NXPE2: variants seen among roughly 807,000 people sequenced by gnomAD.
The protein encoded by NXPE2 is NXPE family member 2.
A neutral mutation model predicts 34.4 loss-of-function variants in NXPE2; 34 were observed. The observed-to-expected ratio is 0.99, with a 90% CI of 0.75 to 1.31. NXPE2 has a LOEUF of 1.31. Among genes scored for constraint, NXPE2 ranks in the 40% most tolerant of loss-of-function variants. The pLI is 0.00. For synonymous variants in NXPE2, 235 were observed against 231.3 expected (o/e 1.02, Z -0.15); for missense variants, 649 against 672.5 (o/e 0.97, Z 0.39).
the NXPE2 span, chr11:114,513,017 G>T: frequency 2.6e-6 from 1 of 384,428 alleles, no homozygotes. Context: ...TGGGTGAGCA[G>T]CAGAGACAGG....
At chr11:114,813,631 C>T in the NXPE2 span, among the ~76,000 whole-genome samples, 1 of 152,170 alleles carries the variant, frequency 6.6e-6, no homozygotes, top group Non-Finnish European at 1.5e-5. Context: ...GATAATGTAT[C>T]TCATACATAC....
chr11:114,475,195 A>G, the NXPE2 span, among the ~76,000 whole-genome samples: 1 of 144,088 alleles, frequency 6.9e-6, no homozygotes, highest in African/African-American at 2.5e-5. Context: ...AATGTTGTGA[A>G]ATGTCTCTGA....
chr11:114,768,581 T>C, the NXPE2 span, among the ~76,000 whole-genome samples: 2 of 152,242 alleles, frequency 1.3e-5, no homozygotes, highest in Non-Finnish European at 2.9e-5. Context: ...TCCTCTCTTA[T>C]TTCCTTGAGC....
chr11:114,614,910 T>A, the NXPE2 span, among the ~76,000 whole-genome samples: 1 of 151,924 alleles, frequency 6.6e-6, no homozygotes, highest in African/African-American at 2.4e-5. Context: ...TAATCACTGT[T>A]ACCCAGTGGA....
At chr11:114,556,722 G>A in the NXPE2 span, among the ~76,000 whole-genome samples, 1 of 151,662 alleles carries the variant, frequency 6.6e-6, no homozygotes, top group Non-Finnish European at 1.5e-5. Context: ...GTTTAATACT[G>A]TTCTATGAGA....
the NXPE2 span, among the ~76,000 whole-genome samples, chr11:114,635,963 G>A: frequency 1.2e-3 from 187 of 152,112 alleles, 1 homozygote; most frequent in African/African-American, 4.2e-3. Context: ...TTGGTATCAG[G>A]ATGATGCTGG....
the NXPE2 span, among the ~76,000 whole-genome samples, chr11:114,485,661 C>T: frequency 6.6e-6 from 1 of 152,102 alleles, no homozygotes; most frequent in Admixed American, 6.5e-5. Context: ...ACACACTACC[C>T]TTCCCAGTGT....
the NXPE2 span, among the ~76,000 whole-genome samples, chr11:114,808,535 A>G: frequency 8.2e-6 from 1 of 122,252 alleles, no homozygotes; most frequent in Non-Finnish European, 1.7e-5. Context: ...CCACAGAAAT[A>G]CAAACTACCA....
At chr11:114,549,813 A>G in the NXPE2 span, among the ~76,000 whole-genome samples, 1 of 152,194 alleles carries the variant, frequency 6.6e-6, no homozygotes, top group South Asian at 2.1e-4. Flanking sequence ...TGCAATTGTT[A>G]TTTATCTGAA....
At chr11:114,575,319 A>G in the NXPE2 span, among the ~76,000 whole-genome samples, 1 of 152,130 alleles carries the variant, frequency 6.6e-6, no homozygotes. Context: ...TATCTTCAAC[A>G]TAGTACTGGA....
At chr11:114,663,601 C>CTA in the NXPE2 span, among the ~76,000 whole-genome samples, 1 of 97,144 alleles carries the variant, frequency 1.0e-5, no homozygotes, top group Non-Finnish European at 2.2e-5. Flanking sequence ...ATCTATCTAT[C>CTA]TATCTATCTA....
the NXPE2 span, among the ~76,000 whole-genome samples, chr11:114,632,028 C>A: frequency 2.1e-5 from 3 of 145,324 alleles, no homozygotes; most frequent in South Asian, 2.1e-4. Flanking sequence ...AATAATTATA[C>A]TTTATATATA....
chr11:114,810,565 C>T, the NXPE2 span, among the ~76,000 whole-genome samples: 1 of 151,962 alleles, frequency 6.6e-6, no homozygotes, highest in Non-Finnish European at 1.5e-5. Flanking sequence ...GACATTTATG[C>T]AGCCAAAAAA....
chr11:114,656,075 C>A, the NXPE2 span, among the ~76,000 whole-genome samples: 1 of 152,148 alleles, frequency 6.6e-6, no homozygotes, highest in Non-Finnish European at 1.5e-5. Flanking sequence ...GCAACTTCAG[C>A]AAAGTCTCAG....
the NXPE2 span, among the ~76,000 whole-genome samples, chr11:114,754,113 C>T: frequency 2.1e-3 from 325 of 152,002 alleles, 3 homozygotes; most frequent in Middle Eastern, 0.01. Flanking sequence ...TAATATTTGC[C>T]GAATAGAGAA....
the NXPE2 span, among the ~76,000 whole-genome samples, chr11:114,714,791 A>G: frequency 6.6e-6 from 1 of 152,180 alleles, no homozygotes; most frequent in East Asian, 1.9e-4. Context: ...TGGGAGGCCG[A>G]GGCAGGTGGA....
At chr11:114,582,245 C>T in the NXPE2 span, 2 of 1,523,302 alleles carry the variant, frequency 1.3e-6, no homozygotes, top group Non-Finnish European at 8.8e-7. Context: ...TAGGCCAAAT[C>T]ACAATATTTG....
the NXPE2 span, among the ~76,000 whole-genome samples, chr11:114,505,345 G>A: frequency 5.7e-3 from 863 of 152,230 alleles, 7 homozygotes; most frequent in Middle Eastern, 0.017. Flanking sequence ...AGCTAGAGAG[G>A]CCAACATTCA....
the NXPE2 span, among the ~76,000 whole-genome samples, chr11:114,577,061 A>G: frequency 2.3e-4 from 24 of 103,706 alleles, no homozygotes; most frequent in Middle Eastern, 4.6e-3. Flanking sequence ...ATATATACAT[A>G]TATATATATA....
Sources: allele counts gnomAD v4.1 joint callset (sites outside exome capture counted in the v4.1 genomes callset), GRCh38; gene constraint gnomAD v4.1.1; transcripts MANE v1.5; gene names NCBI Gene and HGNC (gene_info 2026-07-23, HGNC 2026-07-21).